Variants in FSTL5 observed in about 807,000 individuals in gnomAD.
FSTL5 encodes the protein follistatin-related protein 5.
Under a neutral mutation model 89.1 loss-of-function variants are expected in FSTL5, and 62 were observed. The observed-to-expected ratio is 0.70, with a 90% CI of 0.57 to 0.86. The LOEUF (loss-of-function observed/expected upper bound fraction) is 0.86, where lower values mean the gene tolerates loss of function less well. Ranked by LOEUF, FSTL5 falls within the 40% of genes least tolerant of loss-of-function variation. FSTL5 has a pLI of 0.00. For synonymous variants in FSTL5, 383 were observed against 346.2 expected, an observed-to-expected ratio of 1.11 and a Z score of -1.18; for missense variants, 1,057 against 1,001.6, an observed-to-expected ratio of 1.06 and a Z score of -0.75.
intron 12 of FSTL5, 95 bp downstream of exon 12, chr4:161,499,921 C>A: frequency 1.4e-6 from 1 of 710,502 alleles, no homozygotes; most frequent in South Asian, 1.7e-5. Flanking sequence ...CAACACGAGT[C>A]TCATATATGT....
intron 8 of FSTL5, among the ~76,000 whole-genome samples, chr4:161,576,930 G>A (rs897819550): frequency 6.6e-6 from 1 of 152,138 alleles, no homozygotes; most frequent in Non-Finnish European, 1.5e-5. Context: ...AATTTATGTG[G>A]TAGACCACAA....
At chr4:161,566,635 A>C (rs1732825804) in intron 8 of FSTL5, among the ~76,000 whole-genome samples, 2 of 152,004 alleles carry the variant, frequency 1.3e-5, no homozygotes, top group African/African-American at 4.8e-5. Flanking sequence ...AGACTTTTTA[A>C]CAAAGGCCAT....
At chr4:161,898,923 C>A (rs1464245993) in intron 4 of FSTL5, among the ~76,000 whole-genome samples, 3 of 152,032 alleles carry the variant, frequency 2.0e-5, no homozygotes, top group Admixed American at 2.0e-4. Flanking sequence ...GCCACCGCGC[C>A]CAGCCTGGCA....
intron 8 of FSTL5, among the ~76,000 whole-genome samples, chr4:161,565,239 C>CATCATCATT (rs1268065272): frequency 6.6e-6 from 1 of 151,746 alleles, no homozygotes; most frequent in Non-Finnish European, 1.5e-5. Flanking sequence ...TCATCATCAT[C>CATCATCATT]ATCATCATAT....
intron 4 of FSTL5, among the ~76,000 whole-genome samples, chr4:161,912,246 A>C (rs1733714415): frequency 6.6e-6 from 1 of 152,194 alleles, no homozygotes; most frequent in African/African-American, 2.4e-5. Context: ...TATTGCATTC[A>C]GCATTTGACA....
intron 7 of FSTL5, among the ~76,000 whole-genome samples, chr4:161,646,482 GATATA>G (rs1227458305): frequency 6.6e-6 from 1 of 151,654 alleles, no homozygotes; most frequent in Non-Finnish European, 1.5e-5. Context: ...TTTTTTATAA[GATATA>G]ATATTCTCTA....
intron 4 of FSTL5, among the ~76,000 whole-genome samples, chr4:161,894,907 C>G (rs1337398762): frequency 6.6e-6 from 1 of 152,204 alleles, no homozygotes; most frequent in Non-Finnish European, 1.5e-5. Context: ...AAAGCTCTCT[C>G]AGCTATATCA....
intron 1 of FSTL5, among the ~76,000 whole-genome samples, chr4:162,146,299 T>C (rs1732983522): frequency 6.6e-6 from 1 of 152,292 alleles, no homozygotes; most frequent in Non-Finnish European, 1.5e-5. Flanking sequence ...AACTGAAACA[T>C]CCATGTCACT....
At chr4:161,498,696 T>C (rs1309101978) in intron 12 of FSTL5, among the ~76,000 whole-genome samples, 2 of 152,184 alleles carry the variant, frequency 1.3e-5, no homozygotes, top group Non-Finnish European at 2.9e-5. Flanking sequence ...TAAATAATAA[T>C]ATTTGTATTG....
intron 4 of FSTL5, among the ~76,000 whole-genome samples, chr4:161,785,357 T>C (rs556088375): frequency 6.6e-6 from 1 of 152,250 alleles, no homozygotes; most frequent in South Asian, 2.1e-4. Flanking sequence ...GCATATTCAA[T>C]AATAAATCAT....
At chr4:161,437,332 C>T (rs994497588) in intron 15 of FSTL5, among the ~76,000 whole-genome samples, 3 of 151,922 alleles carry the variant, frequency 2.0e-5, no homozygotes, top group Admixed American at 6.6e-5. Flanking sequence ...TTTGGGAGGC[C>T]GAGGCGGGCG....
chr4:161,420,971 A>G (rs1000050638), intron 15 of FSTL5, among the ~76,000 whole-genome samples: 3 of 151,954 alleles, frequency 2.0e-5, no homozygotes, highest in Non-Finnish European at 4.4e-5. Context: ...CATAATTTTC[A>G]TATTTCATTG....
chr4:161,905,062 T>C (rs16999382), intron 4 of FSTL5, among the ~76,000 whole-genome samples: 81,584 of 151,736 alleles, frequency 0.54, 22,203 homozygotes, highest in Middle Eastern at 0.68. Context: ...GAATTTATCA[T>C]TGTACAACTA....
intron 3 of FSTL5, among the ~76,000 whole-genome samples, chr4:162,015,714 T>C (rs1258238411): frequency 6.6e-6 from 1 of 152,198 alleles, no homozygotes; most frequent in East Asian, 1.9e-4. Context: ...AGGGCCAGGT[T>C]GGTAAAGCAC....
intron 4 of FSTL5, among the ~76,000 whole-genome samples, chr4:161,843,084 G>T (rs1211257207): frequency 1.3e-5 from 2 of 152,044 alleles, no homozygotes; most frequent in East Asian, 1.9e-4. Flanking sequence ...TTTTTCCAGA[G>T]ACTTTATTTA....
At chr4:161,787,970 T>G (rs1741965000) in intron 4 of FSTL5, among the ~76,000 whole-genome samples, 1 of 152,170 alleles carries the variant, frequency 6.6e-6, no homozygotes, top group Admixed American at 6.5e-5. Flanking sequence ...AAAAATTCAT[T>G]TAAAATGTGT....
intron 6 of FSTL5, among the ~76,000 whole-genome samples, chr4:161,741,211 G>C (rs1418628647): frequency 6.6e-6 from 1 of 152,122 alleles, no homozygotes; most frequent in African/African-American, 2.4e-5. Context: ...CAGGGCAAAG[G>C]GGAATTAAAT....
chr4:161,980,854 G>A (rs1407621248), intron 3 of FSTL5, among the ~76,000 whole-genome samples: 3 of 132,098 alleles, frequency 2.3e-5, no homozygotes, highest in African/African-American at 8.7e-5. Context: ...TCGGCACACT[G>A]CAACCTCCAC....
chr4:161,548,579 A>G (rs1331201880), intron 8 of FSTL5, among the ~76,000 whole-genome samples: 3 of 151,800 alleles, frequency 2.0e-5, no homozygotes, highest in African/African-American at 7.3e-5. Context: ...CTTGAACTTG[A>G]GTTATGTCAT....
Sources: gnomAD v4.1 joint callset for allele counts (sites outside exome capture counted in the v4.1 genomes callset) on GRCh38, gnomAD v4.1.1 for gene constraint, MANE v1.5 for transcripts, NCBI Gene and HGNC (gene_info 2026-07-23, HGNC 2026-07-21) for gene names.